NALF1: variants seen among roughly 807,000 people sequenced by gnomAD.
NALF1 encodes family with sequence similarity 155 member A.
In NALF1, 3 loss-of-function variants were observed where a neutral mutation model predicts 48.4. The observed-to-expected ratio is 0.06, with a 90% confidence interval of 0.03 to 0.16. The LOEUF (loss-of-function observed/expected upper bound fraction) is 0.16. NALF1 is among the 10% of genes least tolerant of loss of function. The pLI is 1.00. For synonymous variants in NALF1, 262 were observed against 245.7 expected (o/e 1.07, Z -0.62); for missense variants, 526 against 571.5 (o/e 0.92, Z 0.81).
intron 1 of NALF1, among the ~76,000 whole-genome samples, chr13:107,475,922 G>A (rs768083694): frequency 1.1e-4 from 17 of 152,018 alleles, no homozygotes; most frequent in Admixed American, 5.2e-4. Flanking sequence ...ATGGACCCAG[G>A]AGAGTTATAA....
intron 2 of NALF1, among the ~76,000 whole-genome samples, chr13:107,194,060 A>C (rs2769904): frequency 3.1e-3 from 299 of 97,922 alleles, no homozygotes; most frequent in African/African-American, 0.015. Flanking sequence ...ATCTATCTAT[A>C]TATCAATCTA....
intron 1 of NALF1, among the ~76,000 whole-genome samples, chr13:107,856,973 C>T (rs1566508212): frequency 6.6e-6 from 1 of 152,190 alleles, no homozygotes; most frequent in Admixed American, 6.5e-5. Context: ...AAAACACCTG[C>T]ACACAGAGCC....
intron 1 of NALF1, among the ~76,000 whole-genome samples, chr13:107,410,790 G>C (rs55939325): frequency 2.0e-5 from 3 of 152,072 alleles, no homozygotes; most frequent in East Asian, 1.9e-4. Context: ...AAAAGACAAG[G>C]ACAATAATGA....
intron 1 of NALF1, among the ~76,000 whole-genome samples, chr13:107,557,708 C>T (rs1200828238): frequency 6.6e-6 from 1 of 152,114 alleles, no homozygotes; most frequent in Non-Finnish European, 1.5e-5. Flanking sequence ...CAGAAAGTTT[C>T]GGTGGTTTAC....
At chr13:107,282,552 C>A (rs1382978661) in intron 1 of NALF1, among the ~76,000 whole-genome samples, 1 of 152,196 alleles carries the variant, frequency 6.6e-6, no homozygotes, top group African/African-American at 2.4e-5. Flanking sequence ...GACTTTTTAA[C>A]CAGTGGAGTA....
intron 1 of NALF1, among the ~76,000 whole-genome samples, chr13:107,647,140 G>C (rs544690798): frequency 1.3e-5 from 2 of 151,912 alleles, no homozygotes; most frequent in African/African-American, 4.8e-5. Flanking sequence ...TGTGCAGATT[G>C]AGGTAATTTA....
intron 1 of NALF1, among the ~76,000 whole-genome samples, chr13:107,391,679 C>T (rs1043439079): frequency 1.3e-5 from 2 of 152,154 alleles, no homozygotes; most frequent in African/African-American, 4.8e-5. Flanking sequence ...CATTCCTTCT[C>T]ATTGATCTTG....
intron 2 of NALF1, among the ~76,000 whole-genome samples, chr13:107,208,709 GA>G (rs969766074): frequency 1.1e-4 from 16 of 147,034 alleles, no homozygotes; most frequent in South Asian, 6.5e-4. Flanking sequence ...TGTCCCACAA[GA>G]AAAAAAAAAT....
chr13:107,826,878 A>T (rs1249579015), intron 1 of NALF1, among the ~76,000 whole-genome samples: 1 of 152,198 alleles, frequency 6.6e-6, no homozygotes, highest in Non-Finnish European at 1.5e-5. Flanking sequence ...TGCTGGGAAA[A>T]GATATGGAGT....
chr13:107,799,621 T>A (rs1878539925), intron 1 of NALF1, among the ~76,000 whole-genome samples: 1 of 152,170 alleles, frequency 6.6e-6, no homozygotes, highest in South Asian at 2.1e-4. Context: ...TTATAATAAA[T>A]CTTATGGTAG....
intron 1 of NALF1, among the ~76,000 whole-genome samples, chr13:107,391,522 A>C (rs547591551): frequency 6.6e-6 from 1 of 152,126 alleles, no homozygotes; most frequent in Admixed American, 6.6e-5. Flanking sequence ...TTCTTTCCAG[A>C]TCCAGAAGAT....
At chr13:107,645,108 G>A (rs933429627) in intron 1 of NALF1, among the ~76,000 whole-genome samples, 10 of 151,974 alleles carry the variant, frequency 6.6e-5, no homozygotes, top group Non-Finnish European at 1.2e-4. Flanking sequence ...AAATACATGT[G>A]AGCATTTTCA....
chr13:107,738,437 A>T (rs1645528320), intron 1 of NALF1, among the ~76,000 whole-genome samples: 1 of 152,150 alleles, frequency 6.6e-6, no homozygotes, highest in Admixed American at 6.6e-5. Flanking sequence ...ACTTCACAAA[A>T]TAACCCATTT....
intron 2 of NALF1, among the ~76,000 whole-genome samples, chr13:107,179,889 A>C (rs1879026974): frequency 7.5e-6 from 1 of 133,450 alleles, no homozygotes; most frequent in African/African-American, 2.9e-5. Context: ...CCTTCCCTAC[A>C]TGTCTCGGTG....
intron 2 of NALF1, among the ~76,000 whole-genome samples, chr13:107,185,355 T>G (rs1445765403): frequency 8.5e-5 from 13 of 152,174 alleles, no homozygotes; most frequent in African/African-American, 3.1e-4. Context: ...TCTATTTGCC[T>G]CCAGAACAGT....
At chr13:107,424,162 G>T (rs1884239577) in intron 1 of NALF1, among the ~76,000 whole-genome samples, 1 of 152,108 alleles carries the variant, frequency 6.6e-6, no homozygotes, top group Non-Finnish European at 1.5e-5. Context: ...ATTTGAGACA[G>T]GGTCTGCCTC....
chr13:107,847,119 CT>C (rs1880192688), intron 1 of NALF1, among the ~76,000 whole-genome samples: 1 of 151,866 alleles, frequency 6.6e-6, no homozygotes, highest in Non-Finnish European at 1.5e-5. Context: ...TGAACATGAC[CT>C]TTTTTTATTT....
chr13:107,402,661 G>C (rs1401551411), intron 1 of NALF1, among the ~76,000 whole-genome samples: 1 of 152,080 alleles, frequency 6.6e-6, no homozygotes, highest in Non-Finnish European at 1.5e-5. Flanking sequence ...TTTTCATTGA[G>C]AGATGCCACT....
chr13:107,589,787 C>T (rs1405741436), intron 1 of NALF1, among the ~76,000 whole-genome samples: 1 of 151,684 alleles, frequency 6.6e-6, no homozygotes, highest in African/African-American at 2.4e-5. Flanking sequence ...TCTTTCTTTG[C>T]CTGACTTTTG....
Sources: allele counts gnomAD v4.1 joint callset (sites outside exome capture counted in the v4.1 genomes callset), GRCh38; gene constraint gnomAD v4.1.1; transcripts MANE v1.5; gene names NCBI Gene and HGNC (gene_info 2026-07-23, HGNC 2026-07-21).